LAPTM4B: variants seen among roughly 807,000 people sequenced by gnomAD.
The protein encoded by LAPTM4B is lysosomal-associated transmembrane protein 4B.
Under a neutral mutation model 28.5 loss-of-function variants are expected in LAPTM4B, and 26 were observed. The ratio of observed to expected loss-of-function variants is 0.91; its 90% CI spans 0.67 to 1.27. The LOEUF is 1.27. Ranked by LOEUF, LAPTM4B falls within the 50% of genes most tolerant of loss-of-function variation. The pLI, the probability that LAPTM4B is intolerant of heterozygous loss-of-function variation, is 0.00. For synonymous variants in LAPTM4B, 109 were observed against 106.4 expected (o/e 1.02, Z -0.15); for missense variants, 288 against 285.8 (o/e 1.01, Z -0.06).
intron 1 of LAPTM4B, among the ~76,000 whole-genome samples, chr8:97,794,396 A>T (rs1816550427): frequency 6.6e-6 from 1 of 152,044 alleles, no homozygotes; most frequent in African/African-American, 2.4e-5. Context: ...GCAAGCGTGA[A>T]CCACCATGAC....
chr8:97,844,268 T>C (rs1352206124), intron 6 of LAPTM4B, among the ~76,000 whole-genome samples: 1 of 152,086 alleles, frequency 6.6e-6, no homozygotes, highest in Non-Finnish European at 1.5e-5. Flanking sequence ...AATTTTTCTT[T>C]TTTGTTGTTG....
Position 97,826,218 on chromosome 8 carries a change from A to G in LAPTM4B, c.603+1065A>G, listed in dbSNP as rs112921408. ...TGTTATACACTGACAGTTTTCCTAA[A>G]TGCTCACCACACATTTCTTGAGTTC... On this transcript the variant is annotated intron_variant, in intron 6 of 6. Transcript: ENST00000521545. 3.4e-3 allele frequency among the ~76,000 whole-genome samples: 524 copies of G among 152,280 alleles called. 9 individuals are homozygous for G. Among genetic ancestry groups the G allele is most frequent in the African/African-American group, 0.012 (509 of 41,544 alleles).
At chr8:97,850,391 C>A (rs1817504487) in intron 6 of LAPTM4B, among the ~76,000 whole-genome samples, 1 of 150,938 alleles carries the variant, frequency 6.6e-6, no homozygotes, top group Non-Finnish European at 1.5e-5. Context: ...GGAAGTGAGA[C>A]CTGGCTTCAG....
chr8:97,801,521 A>AT (rs1313890024), intron 1 of LAPTM4B, among the ~76,000 whole-genome samples: 1 of 151,980 alleles, frequency 6.6e-6, no homozygotes, highest in African/African-American at 2.4e-5. Flanking sequence ...GTTTGATCCT[A>AT]TTTCAGTCCA....
chr8:97,796,659 T>C, intron 1 of LAPTM4B, among the ~76,000 whole-genome samples: 1 of 152,090 alleles, frequency 6.6e-6, no homozygotes, highest in East Asian at 1.9e-4. Context: ...TCCGGGCACG[T>C]CCGGGCGCAG....
intron 5 of LAPTM4B, among the ~76,000 whole-genome samples, chr8:97,823,344 G>GTTTTTTTTTTTTT (rs10561869): frequency 1.8e-5 from 2 of 109,314 alleles, no homozygotes; most frequent in Non-Finnish European, 4.0e-5. Context: ...ATACAATATG[G>GTTTTTTTTTTTTT]TTTTTTTTTT....
intron 6 of LAPTM4B, among the ~76,000 whole-genome samples, chr8:97,846,363 T>C (rs1401434667): frequency 6.6e-6 from 1 of 150,506 alleles, no homozygotes; most frequent in Admixed American, 6.6e-5. Context: ...AGTTTCGCTC[T>C]TGTTGCCCAG....
chr8:97,805,910 T>C (rs1429527503), intron 2 of LAPTM4B, among the ~76,000 whole-genome samples: 1 of 152,176 alleles, frequency 6.6e-6, no homozygotes, highest in Non-Finnish European at 1.5e-5. Flanking sequence ...TGGAAATATG[T>C]ACAGGGATGT....
intron 1 of LAPTM4B, among the ~76,000 whole-genome samples, chr8:97,781,380 A>G (rs1816311479): frequency 7.0e-6 from 1 of 142,250 alleles, no homozygotes; most frequent in Non-Finnish European, 1.5e-5. Flanking sequence ...CCTGGGTTCA[A>G]GTGATTCCTG....
chr8:97,798,109 C>T (rs1586325155), intron 1 of LAPTM4B, among the ~76,000 whole-genome samples: 2 of 152,120 alleles, frequency 1.3e-5, no homozygotes, highest in African/African-American at 4.8e-5. Flanking sequence ...CGTCTTGGTT[C>T]TCATTTGTGG....
intron 1 of LAPTM4B, among the ~76,000 whole-genome samples, chr8:97,787,035 T>A (rs191358366): frequency 4.7e-4 from 72 of 152,114 alleles, no homozygotes; most frequent in Admixed American, 4.1e-3. Context: ...ATCCCAAATA[T>A]TGTGCATGGA....
intron 1 of LAPTM4B, among the ~76,000 whole-genome samples, chr8:97,793,839 C>T (rs1047096672): frequency 1.3e-5 from 2 of 152,204 alleles, no homozygotes; most frequent in East Asian, 3.8e-4. Context: ...GGGGTTCTTG[C>T]TCTGTCGCCC....
chr8:97,785,473 T>C (rs1188639862), intron 1 of LAPTM4B, among the ~76,000 whole-genome samples: 1 of 152,214 alleles, frequency 6.6e-6, no homozygotes, highest in African/African-American at 2.4e-5. Flanking sequence ...GGATTCACTT[T>C]AAATATATTT....
intron 1 of LAPTM4B, among the ~76,000 whole-genome samples, chr8:97,781,814 T>C (rs1266972307): frequency 2.0e-5 from 3 of 152,248 alleles, no homozygotes; most frequent in Non-Finnish European, 2.9e-5. Context: ...TTTAGATTCA[T>C]TCATCTTCTT....
chr8:97,788,755 C>T (rs1816448598), intron 1 of LAPTM4B, among the ~76,000 whole-genome samples: 1 of 148,420 alleles, frequency 6.7e-6, no homozygotes. Flanking sequence ...AGTGCAGTGG[C>T]TCAAGCTTGG....
chr8:97,788,621 G>A (rs1308393025), intron 1 of LAPTM4B, among the ~76,000 whole-genome samples: 2 of 151,946 alleles, frequency 1.3e-5, no homozygotes, highest in African/African-American at 4.8e-5. Flanking sequence ...TGCTGTCTAG[G>A]ATCATTATTC....
At chr8:97,816,029 A>G (rs1816906663) in intron 3 of LAPTM4B, 29 bp from the exon 4 acceptor site, 4 of 1,516,850 alleles carry the variant, frequency 2.6e-6, no homozygotes, top group Non-Finnish European at 3.6e-6. Context: ...TATTGAACAC[A>G]TTAACTTTCT....
At chr8:97,834,997 C>T (rs1230806514) in intron 6 of LAPTM4B, among the ~76,000 whole-genome samples, 1 of 152,126 alleles carries the variant, frequency 6.6e-6, no homozygotes, top group East Asian at 1.9e-4. Context: ...TTAAGAAAAC[C>T]AAAGTTACTG....
chr8:97,802,004 T>A (rs904899426), intron 1 of LAPTM4B, among the ~76,000 whole-genome samples: 2 of 152,220 alleles, frequency 1.3e-5, no homozygotes, highest in African/African-American at 4.8e-5. Context: ...CAGATAGTTT[T>A]GTTAATCACA....
Sources: gnomAD v4.1 joint callset for allele counts (sites outside exome capture counted in the v4.1 genomes callset) on GRCh38, gnomAD v4.1.1 for gene constraint, MANE v1.5 for transcripts, NCBI Gene and HGNC (gene_info 2026-07-23, HGNC 2026-07-21) for gene names.